Variants in IGDCC3 observed in about 807,000 individuals in gnomAD.
IGDCC3 encodes the protein putative neuronal cell adhesion molecule.
IGDCC3 carries 47 observed loss-of-function variants against 72.0 expected under a neutral mutation model. The ratio of observed to expected loss-of-function variants is 0.65; its 90% confidence interval spans 0.52 to 0.83. The LOEUF (loss-of-function observed/expected upper bound fraction) is 0.83. Among genes scored for constraint, IGDCC3 ranks in the 40% least tolerant of loss-of-function variants. IGDCC3 has a pLI of 0.00. For missense variants in IGDCC3, 1,038 were observed against 1,091.3 expected, an observed-to-expected ratio of 0.95 and a Z score of 0.69; for synonymous variants, 477 against 472.8, an observed-to-expected ratio of 1.01 and a Z score of -0.11.
chr15:65,366,890 AG>A (rs969415860), intron 2 of IGDCC3, among the ~76,000 whole-genome samples: 37 of 152,292 alleles, frequency 2.4e-4, no homozygotes, highest in African/African-American at 8.2e-4. Flanking sequence ...ATCTGAGGGC[AG>A]CCACAGAGGC....
In IGDCC3 at chr15:65,328,927, T is replaced by C; in HGVS notation, c.2427A>G (p.Pro809=). 6.5e-7 allele frequency: 1 copy of C among 1,548,808 alleles called. No individual in the cohort carries two copies. Among genetic ancestry groups the C allele is most frequent in the Non-Finnish European group, 8.7e-7 (1 of 1,151,204 alleles). Residue 809 remains proline, a synonymous_variant, in exon 14 of 14, where the codon CCA becomes CCG. Coordinates refer to ENST00000327987, the MANE Select transcript of IGDCC3 (RefSeq NM_004884.4). ...SRPAAARVTQ[P]AHSEQ is the part of the protein sequence containing the mutation. ...ACACTGGCTACTGTTCCGAGTGAGC[T>C]GGCTGGGTAACCCGGGCCGCTGCAG...
At chr15:65,341,080 C>T (rs893718586) in intron 2 of IGDCC3, among the ~76,000 whole-genome samples, 1 of 152,066 alleles carries the variant, frequency 6.6e-6, no homozygotes, top group African/African-American at 2.4e-5. Context: ...TGTGGCCAGT[C>T]CAAATTGAGA....
At chr15:65,371,981 C>G (rs1181447105) in intron 2 of IGDCC3, among the ~76,000 whole-genome samples, 1 of 152,206 alleles carries the variant, frequency 6.6e-6, no homozygotes, top group Non-Finnish European at 1.5e-5. Context: ...TAATTCCACT[C>G]CCTGATAGCT....
Position 65,330,704 on chromosome 15 carries a change from G to C in IGDCC3, c.1599C>G (p.Gly533=), listed in dbSNP as rs370689554. Residue 533 remains glycine (G), a synonymous_variant, in exon 10 of 14, where the codon GGC becomes GGG. Coordinates refer to ENST00000327987, the MANE Select transcript of IGDCC3 (RefSeq NM_004884.4). ...APPPLSVRVL[G]SSSLQLLWEP... is the part of the protein sequence containing the mutation. Reference sequence around the variant, plus strand: ...CCCACAGCAGCTGCAAGGAGGAGCTGCCCAGGACTCGCACTGACAGTGGGG... The same window carrying C: ...CCCACAGCAGCTGCAAGGAGGAGCTCCCCAGGACTCGCACTGACAGTGGGG... 3.2e-5 allele frequency: 51 copies of C among 1,612,644 alleles called. No homozygotes were observed. The highest frequency in any genetic ancestry group is 4.2e-5 in the Non-Finnish European group (50 of 1,179,474).
chr15:65,334,685 G>A (rs1272696651), intron 5 of IGDCC3, 43 bp downstream of exon 5: 3 of 1,492,762 alleles, frequency 2.0e-6, no homozygotes, highest in Non-Finnish European at 1.8e-6. Flanking sequence ...CCCAGGGGGT[G>A]GGACAGGCTG....
In IGDCC3 at chr15:65,329,570, GT is replaced by G; in HGVS notation, c.2024del (p.Asn675ThrfsTer18). On this transcript the variant is annotated frameshift_variant, in exon 13 of 14. Coordinates refer to ENST00000327987, the MANE Select transcript of IGDCC3 (RefSeq NM_004884.4). LOFTEE classifies it high-confidence loss of function. This position sits in a 1 kb window ranked among gnomAD's most constrained non-coding sequence, Gnocchi z 4.1. ...GRVLLCKDVE[N>X]QLSPPQGPRS... ...GGGGACCCTGTGGAGGGGACAGCTG[GT>G]TTTCCACATCTTTACACAGGAGGAC... 1.2e-6 allele frequency: 2 copies of G among 1,612,080 alleles called. No homozygotes were observed.
intron 2 of IGDCC3, among the ~76,000 whole-genome samples, chr15:65,362,939 C>T (rs2091270646): frequency 6.6e-6 from 1 of 150,482 alleles, no homozygotes; most frequent in Non-Finnish European, 1.5e-5. Flanking sequence ...ACTGCAGCCT[C>T]CGCCTCCCGG....
intron 2 of IGDCC3, among the ~76,000 whole-genome samples, chr15:65,362,298 C>T (rs1452462693): frequency 6.6e-6 from 1 of 152,052 alleles, no homozygotes; most frequent in Non-Finnish European, 1.5e-5. Context: ...AGCAGATGGG[C>T]CCAAAGTCAC....
rs1470218303 is a variant in IGDCC3, at chr15:65,377,734, G to C, written c.55C>G (p.Arg19Gly). The change falls in exon 1 of 14, where the codon CGG (arginine) becomes GGG (glycine). Residue 19 changes from arginine (R) to glycine (G), a missense_variant. Physicochemically the swap from Arg to Gly is moderately radical, Grantham distance 125. Coordinates refer to ENST00000327987, the MANE Select transcript of IGDCC3 (RefSeq NM_004884.4). The surrounding 1 kb of genome is among the most constrained non-coding windows in gnomAD (Gnocchi z 4.9). ...AGCAACAGCAGCGGCAGCAGGAGCC[G>C]GGGCCAGAGCGGGGCGGGCGGGCGG... ...PRRPPAPLWP[R>G]LLLPLLLLLL... is the part of the protein sequence containing the mutation. The C allele has an allele frequency of 1.1e-5, 15 of 1,356,680 alleles. No individual in the cohort carries two copies. Among genetic ancestry groups the C allele is most frequent in the African/African-American group, 1.5e-5 (1 of 65,500 alleles). The allele number at this position is 1,356,680 out of a possible 1,614,324, so 84.0% of individuals were successfully genotyped here. A position where few individuals can be genotyped will look rare whatever the true frequency, so the allele number is the denominator to read the frequency against.
At chr15:65,374,515 A>G (rs1182532508) in intron 2 of IGDCC3, among the ~76,000 whole-genome samples, 1 of 152,188 alleles carries the variant, frequency 6.6e-6, no homozygotes, top group African/African-American at 2.4e-5. Flanking sequence ...AAAAACACAC[A>G]TTAGCATGAA....
intron 2 of IGDCC3, among the ~76,000 whole-genome samples, chr15:65,368,516 T>C (rs28380611): frequency 0.17 from 26,405 of 151,934 alleles, 2,725 homozygotes; most frequent in East Asian, 0.45. Flanking sequence ...ACACTCAAGT[T>C]CTGCGGGTGG....
At position 65,331,080 on chromosome 15, in the gene IGDCC3, C is replaced by G; in HGVS notation, c.1531G>C (p.Val511Leu). The G allele has an allele frequency of 2.5e-6, 4 of 1,614,086 alleles. No homozygotes were observed. Among genetic ancestry groups the G allele is most frequent in the Non-Finnish European group, 3.4e-6 (4 of 1,180,004 alleles). Residue 511 changes from valine to leucine, a missense_variant, in exon 9 of 14, where the codon GTG becomes CTG. Val to Leu is a conservative substitution (Grantham distance 32). Transcript: ENST00000327987. Reference sequence around the variant, plus strand: ...CCCAGGGTGCTAGCTAGGGTGGGCACAGAGGCTGAGCTGGCCCCCCTTGGT... The same window carrying G: ...CCCAGGGTGCTAGCTAGGGTGGGCAGAGAGGCTGAGCTGGCCCCCCTTGGT... ...YTPRGASSAS[V>L]PTLASTLGEA...
chr15:65,337,680 G>A (rs902317473), intron 2 of IGDCC3, among the ~76,000 whole-genome samples: 81 of 152,240 alleles, frequency 5.3e-4, no homozygotes, highest in African/African-American at 1.8e-3. Flanking sequence ...TGCTGCTGGA[G>A]CCCCTCTACT....
intron 2 of IGDCC3, among the ~76,000 whole-genome samples, chr15:65,370,075 C>G (rs2140171220): frequency 6.6e-6 from 1 of 152,266 alleles, no homozygotes; most frequent in East Asian, 1.9e-4. Context: ...TAGAACTGGA[C>G]TTTCTCTCCT....
At chr15:65,336,199 C>G (rs1227320654) in intron 2 of IGDCC3, among the ~76,000 whole-genome samples, 1 of 152,176 alleles carries the variant, frequency 6.6e-6, no homozygotes, top group East Asian at 1.9e-4. Context: ...AAAGTCTGGA[C>G]AAACTTCTGG....
At chr15:65,346,496 G>A (rs112064301) in intron 2 of IGDCC3, among the ~76,000 whole-genome samples, 22 of 151,510 alleles carry the variant, frequency 1.5e-4, no homozygotes, top group African/African-American at 2.9e-4. Flanking sequence ...TCGCTCTGTC[G>A]CTCAGGCTGG....
chr15:65,370,702 G>A (rs941161911), intron 2 of IGDCC3, among the ~76,000 whole-genome samples: 2 of 147,328 alleles, frequency 1.4e-5, no homozygotes, highest in Non-Finnish European at 3.0e-5. Context: ...CCTGTGCTAA[G>A]CTCTTCCTGC....
At chr15:65,335,480 A>G in intron 3 of IGDCC3, 59 bp from the exon 4 acceptor site, 2 of 1,546,580 alleles carry the variant, frequency 1.3e-6, no homozygotes, top group Non-Finnish European at 1.8e-6. Flanking sequence ...ATCAGCCACA[A>G]AGACTCTGGG....
At chr15:65,375,485 C>A (rs1372096028) in intron 1 of IGDCC3, 83 bp from the exon 2 acceptor site, 1 of 1,178,028 alleles carries the variant, frequency 8.5e-7, no homozygotes, top group East Asian at 2.5e-5. Flanking sequence ...CCACATGGTT[C>A]CAAGTTCCTT....
Sources: allele counts gnomAD v4.1 joint callset (sites outside exome capture counted in the v4.1 genomes callset), GRCh38; gene constraint gnomAD v4.1.1; non-coding constraint Gnocchi (gnomAD v3.1); transcripts MANE v1.5; gene names NCBI Gene and HGNC (gene_info 2026-07-23, HGNC 2026-07-21).